The following EML4 variants were observed in gnomAD, a reference collection of about 807,000 sequenced individuals.
EML4 encodes the protein EMAP like 4, also known as echinoderm microtubule-associated protein-like 4.
A neutral mutation model predicts 129.0 loss-of-function variants in EML4; 72 were observed. The ratio of observed to expected loss-of-function variants is 0.56; its 90% CI spans 0.46 to 0.68. The LOEUF is 0.68. EML4 is among the 30% of genes least tolerant of loss of function. The pLI is 0.00. For synonymous variants in EML4, 532 were observed against 405.0 expected (o/e 1.31, Z -3.77); for missense variants, 1,363 against 1,190.6 (o/e 1.14, Z -2.13).
chr2:42,195,602 A>G (rs144268188), intron 1 of EML4, among the ~76,000 whole-genome samples: 18 of 152,300 alleles, frequency 1.2e-4, no homozygotes, highest in African/African-American at 4.1e-4. Context: ...CATAAACCCA[A>G]TCATTGGCTT....
At chr2:42,174,128 G>T (rs906192898) in intron 1 of EML4, among the ~76,000 whole-genome samples, 2 of 151,984 alleles carry the variant, frequency 1.3e-5, no homozygotes, top group African/African-American at 2.4e-5. Context: ...TTTGTATGTG[G>T]GAGTCCATTT....
chr2:42,199,083 A>C (rs1672064056), intron 1 of EML4, among the ~76,000 whole-genome samples: 1 of 152,212 alleles, frequency 6.6e-6, no homozygotes, highest in South Asian at 2.1e-4. Context: ...AGAAAGTGGA[A>C]GAACATTAAC....
At chr2:42,231,291 T>C (rs1188742503) in intron 1 of EML4, among the ~76,000 whole-genome samples, 1 of 152,396 alleles carries the variant, frequency 6.6e-6, no homozygotes, top group East Asian at 1.9e-4. Context: ...CTGTCTTCTC[T>C]GCTGGATAAC....
At chr2:42,310,380 T>C (rs1160442375) in intron 17 of EML4, among the ~76,000 whole-genome samples, 1 of 151,628 alleles carries the variant, frequency 6.6e-6, no homozygotes, top group Non-Finnish European at 1.5e-5. Context: ...AGTCTTGCTC[T>C]GTCTCCCAGG....
intron 1 of EML4, among the ~76,000 whole-genome samples, chr2:42,182,373 C>T (rs986442225): frequency 4.0e-5 from 6 of 148,348 alleles, no homozygotes; most frequent in Non-Finnish European, 7.4e-5. Flanking sequence ...TGCTGGGCTG[C>T]CCCCTCATCT....
At chr2:42,170,280 T>G (rs1670191345) in intron 1 of EML4, 1 of 152,302 alleles carries the variant, frequency 6.6e-6, no homozygotes, top group South Asian at 2.1e-4. Context: ...GGAGCATCAT[T>G]TGCTTAATGC....
At chr2:42,232,398 A>G (rs1004074407) in intron 1 of EML4, among the ~76,000 whole-genome samples, 2 of 152,196 alleles carry the variant, frequency 1.3e-5, no homozygotes, top group African/African-American at 4.8e-5. Context: ...GGGTCCATTT[A>G]TTGTAAAGAA....
intron 1 of EML4, among the ~76,000 whole-genome samples, chr2:42,231,669 G>T (rs571134480): frequency 6.6e-6 from 1 of 152,184 alleles, no homozygotes; most frequent in South Asian, 2.1e-4. Flanking sequence ...TCCCTTTATG[G>T]CTGGGCACTG....
At chr2:42,250,668 G>C (rs62142561) in intron 2 of EML4, among the ~76,000 whole-genome samples, 19,440 of 151,918 alleles carry the variant, frequency 0.13, 1,242 homozygotes, top group East Asian at 0.18. Flanking sequence ...GTATGGCATA[G>C]CCCAGTGGTC....
At chr2:42,291,072 A>AT (rs553174404) in intron 11 of EML4, among the ~76,000 whole-genome samples, 1 of 152,374 alleles carries the variant, frequency 6.6e-6, no homozygotes, top group African/African-American at 2.4e-5. Flanking sequence ...GTGGAAGAGA[A>AT]TATAGAAACA....
chr2:42,288,515 C>G (rs1387898630), intron 11 of EML4, 193 bp downstream of exon 11: 2 of 342,358 alleles, frequency 5.8e-6, no homozygotes, highest in Non-Finnish European at 1.1e-5. Flanking sequence ...ATAAAATAGT[C>G]AAGCAACTTG....
intron 1 of EML4, among the ~76,000 whole-genome samples, chr2:42,214,333 T>C (rs927423177): frequency 3.9e-5 from 6 of 152,224 alleles, no homozygotes; most frequent in Non-Finnish European, 8.8e-5. Flanking sequence ...TGAGTTTTTA[T>C]TATAAGGCGT....
At chr2:42,173,281 T>C (rs955219123) in intron 1 of EML4, among the ~76,000 whole-genome samples, 6 of 152,218 alleles carry the variant, frequency 3.9e-5, no homozygotes, top group Non-Finnish European at 8.8e-5. Flanking sequence ...TGAAAATGTT[T>C]TTCATGTAAT....
Position 42,169,834 on chromosome 2 carries a change from T to C in EML4, c.25+198T>C, listed in dbSNP as rs964528133. 46 of 495,530 alleles carry C rather than the reference T, an allele frequency of 9.3e-5. No individual in the cohort carries two copies. The East Asian group carries it at 1.6e-3, about 17-fold the overall frequency. 30.7% of individuals were successfully genotyped at this position (495,530 alleles called of 1,614,324 possible). A position where few individuals can be genotyped will look rare whatever the true frequency, so the allele number is the denominator to read the frequency against. ...CTCCCCCATGTCCAACTCTCCTCTG[T>C]GTCAGACCCTCCTTTCCTCCCGGAG... is the stretch of plus-strand genomic sequence containing the variant. On this transcript the variant is annotated intron_variant, in intron 1 of 22. Transcript: ENST00000318522.
intron 8 of EML4, among the ~76,000 whole-genome samples, chr2:42,283,246 C>G (rs892776125): frequency 6.6e-6 from 1 of 152,190 alleles, no homozygotes; most frequent in African/African-American, 2.4e-5. Flanking sequence ...CTTCTCTGGT[C>G]TGTAGTGTGA....
In EML4 at chr2:42,288,240, AT is replaced by A; in HGVS notation, c.1139del (p.Leu380TyrfsTer26). The A allele has an allele frequency of 6.8e-7, 1 of 1,462,894 alleles. No individual in the cohort carries two copies. Among genetic ancestry groups the A allele is most frequent in the Non-Finnish European group, 9.4e-7 (1 of 1,063,468 alleles). The allele number at this position is 1,462,894 out of a possible 1,614,324, so 90.6% of individuals were successfully genotyped here. ...LDFSKADSGV[H>X]LCIIDDSNEH... ...ACTTTTCTTTAGGATTCAGGTGTTCATTTATGTATTATTGATGACTCCAATG... is the reference window on the plus strand; with the variant it reads ...ACTTTTCTTTAGGATTCAGGTGTTCATTATGTATTATTGATGACTCCAATG... On this transcript the variant is annotated frameshift_variant, in exon 11 of 23. Coordinates refer to ENST00000318522, the MANE Select transcript of EML4 (RefSeq NM_019063.5). LOFTEE classifies it high-confidence loss of function.
At chr2:42,269,197 A>G (rs905394779) in intron 6 of EML4, among the ~76,000 whole-genome samples, 2 of 152,238 alleles carry the variant, frequency 1.3e-5, no homozygotes, top group Non-Finnish European at 2.9e-5. Flanking sequence ...GTCATTTTGA[A>G]TTATATACTG....
chr2:42,293,628 T>C (rs959969628), intron 11 of EML4, among the ~76,000 whole-genome samples: 2 of 152,212 alleles, frequency 1.3e-5, no homozygotes, highest in African/African-American at 4.8e-5. Flanking sequence ...TTGTTTCGTT[T>C]TGAGACAGAG....
intron 1 of EML4, among the ~76,000 whole-genome samples, chr2:42,213,478 G>C (rs1319154350): frequency 6.6e-6 from 1 of 152,204 alleles, no homozygotes; most frequent in African/African-American, 2.4e-5. Flanking sequence ...TAACCATGAA[G>C]AAAAAATAAA....
Sources: gnomAD v4.1 joint callset for allele counts (sites outside exome capture counted in the v4.1 genomes callset) on GRCh38, gnomAD v4.1.1 for gene constraint, MANE v1.5 for transcripts, NCBI Gene and HGNC (gene_info 2026-07-23, HGNC 2026-07-21) for gene names.